CD5L: variants seen among roughly 807,000 people sequenced by gnomAD.
The protein encoded by CD5L is CD5 antigen-like.
In CD5L, 39 loss-of-function variants were observed where a neutral mutation model predicts 40.8. The ratio of observed to expected loss-of-function variants is 0.96; its 90% CI spans 0.74 to 1.25. The LOEUF is 1.25. Ranked by LOEUF, CD5L falls within the 50% of genes most tolerant of loss-of-function variation. CD5L has a pLI of 0.00. For synonymous variants in CD5L, 192 were observed against 169.6 expected (o/e 1.13, Z -1.03); for missense variants, 433 against 435.9 (o/e 0.99, Z 0.06).
chr1:157,833,290 C>T lies in CD5L; in HGVS notation c.941G>A (p.Arg314His), dbSNP rs773131358. The T allele has an allele frequency of 5.2e-5, 84 of 1,614,070 alleles. 1 individual carries two copies. Among genetic ancestry groups the T allele is most frequent in the South Asian group, 1.4e-4 (13 of 91,092 alleles). Reference sequence around the variant, plus strand: ...CAGGGACTGCTCCTCCCCTGAGCAACGAACATTATCCAGCCAGATGCGGCC... The same window carrying T: ...CAGGGACTGCTCCTCCCCTGAGCAATGAACATTATCCAGCCAGATGCGGCC... ...GVGRIWLDNV[R>H]CSGEEQSLEQ... Residue 314 changes from arginine to histidine, a missense_variant, in exon 5 of 6, where the codon CGT (arginine) becomes CAT (histidine). Physicochemically the swap from Arg to His is conservative, Grantham distance 29. Transcript: ENST00000368174.
At chr1:157,836,894 G>T (rs1318515049) in intron 2 of CD5L, among the ~76,000 whole-genome samples, 3 of 152,154 alleles carry the variant, frequency 2.0e-5, no homozygotes, top group African/African-American at 7.2e-5. Flanking sequence ...AGGATTCATG[G>T]AGTCTCCAGA....
Position 157,830,959 on chromosome 1 carries a change from A to G in CD5L, c.*1005T>C. 1.0e-6 allele frequency: 1 copy of G among 985,330 alleles called. No individual in the cohort carries two copies. The allele number at this position is 985,330 out of a possible 1,614,324, so 61.0% of individuals were successfully genotyped here. A position where few individuals can be genotyped will look rare whatever the true frequency, so the allele number is the denominator to read the frequency against. ...TTATTAGATAAGTGTAAATGTGTAA[A>G]TGTAGCCGTATAATAAGTACTCAGC... On this transcript the variant is annotated 3_prime_UTR_variant, in exon 6 of 6. Coordinates refer to ENST00000368174, the MANE Select transcript of CD5L (RefSeq NM_005894.3).
chr1:157,838,624 T>A (rs567333737), intron 2 of CD5L, among the ~76,000 whole-genome samples: 12 of 151,446 alleles, frequency 7.9e-5, no homozygotes, highest in East Asian at 3.9e-4. Flanking sequence ...TAAAAAAAAA[T>A]TACTTTTTTA....
downstream of CD5L, among the ~76,000 whole-genome samples, chr1:157,827,706 A>G (rs1655940995): frequency 6.6e-6 from 1 of 152,206 alleles, no homozygotes; most frequent in African/African-American, 2.4e-5. Flanking sequence ...CACACATAGA[A>G]ATAAGGTTTA....
chr1:157,828,001 G>T (rs1412930022), downstream of CD5L, among the ~76,000 whole-genome samples: 3 of 152,180 alleles, frequency 2.0e-5, no homozygotes, highest in African/African-American at 7.2e-5. Context: ...CCAGAAGAAG[G>T]TTTATATTTG....
Position 157,834,712 on chromosome 1 carries a change from A to G in CD5L, c.413T>C (p.Val138Ala). The G allele has an allele frequency of 6.2e-7, 1 of 1,613,974 alleles. No homozygotes were observed. The highest frequency in any genetic ancestry group is 8.5e-7 in the Non-Finnish European group (1 of 1,179,972). ...ESSFSPVPEG[V>A]RLADGPGHCK... is the part of the protein sequence containing the mutation. ...ATGCCCAGGGCCGTCAGCCAGCCTG[A>G]CACCCTCTGGGACTGGGGAGAAAGA... Residue 138 changes from valine (V) to alanine (A), a missense_variant, in exon 4 of 6, where the codon GTC becomes GCC. Val to Ala is a moderately conservative substitution (Grantham distance 64). Coordinates refer to ENST00000368174, the MANE Select transcript of CD5L (RefSeq NM_005894.3).
chr1:157,836,138 G>A lies in CD5L; in HGVS notation c.73C>T (p.Arg25Trp), dbSNP rs1038401884. 1.2e-6 allele frequency: 2 copies of A among 1,612,578 alleles called. No individual in the cohort carries two copies. Among genetic ancestry groups the A allele is most frequent in the Non-Finnish European group, 1.7e-6 (2 of 1,179,220 alleles). ...CAGCGGTGGAGGCCCCCCACCAGCC[G>A]CACTCCAGATGGAGACGCTGCAAAG... ...PGFLASPSGV[R>W]LVGGLHRCEG... Residue 25 changes from arginine (R) to tryptophan (W), a missense_variant, in exon 3 of 6, where the codon CGG (arginine) becomes TGG (tryptophan). Arg to Trp is a moderately radical substitution (Grantham distance 101). Coordinates refer to ENST00000368174, the MANE Select transcript of CD5L (RefSeq NM_005894.3).
Position 157,834,679 on chromosome 1 carries a change from C to G in CD5L, c.446G>C (p.Gly149Ala). Residue 149 changes from glycine (G) to alanine (A), a missense_variant, in exon 4 of 6, where the codon GGA becomes GCA. Coordinates refer to ENST00000368174, the MANE Select transcript of CD5L (RefSeq NM_005894.3). ...GTTCTGGTGCTTCACTTCCACGCGT[C>G]CCTTGCAATGCCCAGGGCCGTCAGC... ...RLADGPGHCK[G>A]RVEVKHQNQW... The G allele has an allele frequency of 6.2e-7, 1 of 1,614,180 alleles. No individual in the cohort carries two copies. Among genetic ancestry groups the G allele is most frequent in the Non-Finnish European group, 8.5e-7 (1 of 1,180,028 alleles).
In CD5L at chr1:157,831,312, C is replaced by T; in HGVS notation, c.*652G>A. 1 of 985,292 alleles carries T rather than the reference C, an allele frequency of 1.0e-6. No individual in the cohort carries two copies. Among genetic ancestry groups the T allele is most frequent in the Non-Finnish European group, 1.2e-6 (1 of 829,910 alleles). 61.0% of individuals were successfully genotyped at this position (985,292 alleles called of 1,614,324 possible). On this transcript the variant is annotated 3_prime_UTR_variant, in exon 6 of 6. Coordinates refer to ENST00000368174, the MANE Select transcript of CD5L (RefSeq NM_005894.3). ...TTGGGGCAATCAGAGGATGAAACAT[C>T]ATTTTTTACACGTCATGAAAAGGTC...
At position 157,830,942 on chromosome 1, in the gene CD5L, T is replaced by A; in HGVS notation, c.*1022A>T. 1 of 985,056 alleles carries A rather than the reference T, an allele frequency of 1.0e-6. No individual in the cohort carries two copies. Among genetic ancestry groups the A allele is most frequent in the Non-Finnish European group, 1.2e-6 (1 of 829,606 alleles). 61.0% of individuals were successfully genotyped at this position (985,056 alleles called of 1,614,324 possible). ...AGACTGTGAAATCTGATTTATTAGA[T>A]AAGTGTAAATGTGTAAATGTAGCCG... On this transcript the variant is annotated 3_prime_UTR_variant, in exon 6 of 6. Transcript: ENST00000368174.
Position 157,834,686 on chromosome 1 carries a change from A to G in CD5L, c.439T>C (p.Cys147Arg). ...TGCTTCACTTCCACGCGTCCCTTGC[A>G]ATGCCCAGGGCCGTCAGCCAGCCTG... The part of the protein sequence containing the change: ...GVRLADGPGH[C>R]KGRVEVKHQN... The change falls in exon 4 of 6, where the codon TGC (cysteine) becomes CGC (arginine). Residue 147 changes from cysteine (C) to arginine (R), a missense_variant. By Grantham distance (180) the Cys-to-Arg change is radical (BLOSUM62 -3). Transcript: ENST00000368174. 1 of 1,614,152 alleles carries G rather than the reference A, an allele frequency of 6.2e-7. No individual in the cohort carries two copies. Among genetic ancestry groups the G allele is most frequent in the Non-Finnish European group, 8.5e-7 (1 of 1,180,020 alleles).
intron 3 of CD5L, among the ~76,000 whole-genome samples, chr1:157,835,443 C>A (rs534262391): frequency 1.3e-5 from 2 of 152,282 alleles, no homozygotes; most frequent in East Asian, 1.9e-4. Context: ...AGATAAACTC[C>A]TGGAAAACTG....
At chr1:157,829,348 T>A (rs1028355577), downstream of CD5L, among the ~76,000 whole-genome samples, 5 of 152,224 alleles carry the variant, frequency 3.3e-5, no homozygotes, top group Non-Finnish European at 7.3e-5. Context: ...GGTAACAAAG[T>A]TGAAGAGAGC....
chr1:157,837,605 G>A (rs1656253038), intron 2 of CD5L, among the ~76,000 whole-genome samples: 1 of 152,050 alleles, frequency 6.6e-6, no homozygotes, highest in East Asian at 1.9e-4. Context: ...GCTTAATAGG[G>A]GCCAACATGG....
chr1:157,829,731 G>A (rs1354582058), downstream of CD5L, among the ~76,000 whole-genome samples: 2 of 152,080 alleles, frequency 1.3e-5, no homozygotes, highest in Non-Finnish European at 2.9e-5. Flanking sequence ...TATATTATCT[G>A]GGGTTCTTTT....
chr1:157,833,045 T>C (rs929137477), intron 5 of CD5L, 147 bp downstream of exon 5: 2 of 712,844 alleles, frequency 2.8e-6, no homozygotes, highest in Non-Finnish European at 4.8e-6. Flanking sequence ...TCCAGCCATA[T>C]CCCTGGAAGT....
chr1:157,833,630 TC>T, intron 4 of CD5L, 118 bp from the exon 5 acceptor site: 8 of 792,406 alleles, frequency 1.0e-5, no homozygotes, highest in Non-Finnish European at 1.6e-5. Flanking sequence ...TTTTGAGACA[TC>T]GTCTCACTCT....
chr1:157,839,087 A>T (rs1233173696), intron 2 of CD5L, among the ~76,000 whole-genome samples: 1 of 152,236 alleles, frequency 6.6e-6, no homozygotes, highest in Non-Finnish European at 1.5e-5. Context: ...TATGCCCATA[A>T]GGCAGTGAAG....
chr1:157,830,673 G>T (rs1234061410), downstream of CD5L, among the ~76,000 whole-genome samples: 1 of 152,244 alleles, frequency 6.6e-6, no homozygotes, highest in Non-Finnish European at 1.5e-5. Flanking sequence ...TGGCATTAGA[G>T]TTGGCCTATC....
Sources: gnomAD v4.1 joint callset for allele counts (sites outside exome capture counted in the v4.1 genomes callset) on GRCh38, gnomAD v4.1.1 for gene constraint, MANE v1.5 for transcripts, NCBI Gene and HGNC (gene_info 2026-07-23, HGNC 2026-07-21) for gene names.